The following ANKRD28 variants were observed in gnomAD, a reference collection of about 807,000 sequenced individuals.
ANKRD28 encodes the protein serine/threonine-protein phosphatase 6 regulatory ankyrin repeat subunit A.
ANKRD28 carries 44 observed loss-of-function variants against 126.5 expected under a neutral mutation model. The observed-to-expected ratio is 0.35, with a 90% CI of 0.27 to 0.45. ANKRD28 has a LOEUF of 0.45. Ranked by LOEUF, ANKRD28 falls within the 20% of genes least tolerant of loss-of-function variation. The probability of loss-of-function intolerance (pLI) is 1.00; values close to 1 mark genes in which losing one functional copy is unlikely to be tolerated. For synonymous variants in ANKRD28, 442 were observed against 468.5 expected (o/e 0.94, Z 0.73); for missense variants, 1,110 against 1,316.6 (o/e 0.84, Z 2.43).
intron 13 of ANKRD28, among the ~76,000 whole-genome samples, chr3:15,708,645 A>G (rs1384847870): frequency 6.6e-6 from 1 of 152,168 alleles, no homozygotes; most frequent in Admixed American, 6.5e-5. Flanking sequence ...ATAAAAGCAA[A>G]TTAGCTATAA....
At chr3:15,746,208 CTT>C (rs2057466586) in intron 4 of ANKRD28, among the ~76,000 whole-genome samples, 1 of 152,126 alleles carries the variant, frequency 6.6e-6, no homozygotes, top group African/African-American at 2.4e-5. Flanking sequence ...ATTTCATTCT[CTT>C]GTCTGATGTC....
chr3:15,706,748 C>T (rs946503764), intron 14 of ANKRD28, among the ~76,000 whole-genome samples: 10 of 152,132 alleles, frequency 6.6e-5, no homozygotes, highest in Admixed American at 6.5e-4. Context: ...CTCTCCAGCA[C>T]CTGTTGTTTC....
At chr3:15,751,842 A>G (rs1039217038) in intron 3 of ANKRD28, 22 bp from the exon 4 acceptor site, 9 of 1,464,934 alleles carry the variant, frequency 6.1e-6, no homozygotes, top group Non-Finnish European at 8.4e-6. Context: ...AGAAAAAAAT[A>G]AATTGAAATA....
rs575167693 is a variant in ANKRD28, at chr3:15,735,958, T to C, written c.553-461A>G. ...TTACCTCACAATGTACCAAAAATAATAATTGCAACTAACCATATTTACAAT... is the reference window on the plus strand; with the variant it reads ...TTACCTCACAATGTACCAAAAATAACAATTGCAACTAACCATATTTACAAT... On this transcript the variant is annotated intron_variant, in intron 5 of 27. Transcript: ENST00000683139. Among the ~76,000 whole-genome samples the C allele has an allele frequency of 8.5e-5, 13 of 152,310 alleles. 1 individual carries two copies. Among genetic ancestry groups the C allele is most frequent in the African/African-American group, 3.1e-4 (13 of 41,570 alleles).
intron 1 of ANKRD28, among the ~76,000 whole-genome samples, chr3:15,811,604 G>A (rs747695896): frequency 9.9e-5 from 15 of 151,914 alleles, no homozygotes; most frequent in Non-Finnish European, 1.9e-4. Context: ...GCAGGTGCAC[G>A]CCACCATGCC....
At chr3:15,709,207 A>G (rs942495698) in intron 13 of ANKRD28, among the ~76,000 whole-genome samples, 9 of 152,208 alleles carry the variant, frequency 5.9e-5, no homozygotes, top group Non-Finnish European at 1.0e-4. Flanking sequence ...GAGGAGAAAG[A>G]AAAATTACAC....
At chr3:15,790,179 C>T (rs1299847031) in intron 2 of ANKRD28, among the ~76,000 whole-genome samples, 1 of 151,908 alleles carries the variant, frequency 6.6e-6, no homozygotes, top group African/African-American at 2.4e-5. Context: ...ATGAAAAGGC[C>T]AGGACATAAT....
chr3:15,769,443 GCTT>G (rs1457125797), intron 2 of ANKRD28, among the ~76,000 whole-genome samples: 1 of 151,958 alleles, frequency 6.6e-6, no homozygotes, highest in African/African-American at 2.4e-5. Flanking sequence ...CCATTTTAAG[GCTT>G]TTTTAAAAAA....
intron 1 of ANKRD28, among the ~76,000 whole-genome samples, chr3:15,834,260 T>C (rs1559584236): frequency 6.6e-6 from 1 of 152,176 alleles, no homozygotes; most frequent in Non-Finnish European, 1.5e-5. Context: ...ATGGGTCCAG[T>C]TTCATTCTTC....
chr3:15,751,838 A>AAATAAATTG lies in ANKRD28; in HGVS notation c.281-27_281-19dup. 4 of 1,461,056 alleles carry AAATAAATTG rather than the reference A, an allele frequency of 2.7e-6. No homozygotes were observed. Among genetic ancestry groups the AAATAAATTG allele is most frequent in the Non-Finnish European group, 3.7e-6 (4 of 1,069,934 alleles). 90.5% of individuals were successfully genotyped at this position (1,461,056 alleles called of 1,614,324 possible). On this transcript the variant is annotated intron_variant, in intron 3 of 27. Transcript: ENST00000683139. ...TCTAGCTCCTGCAACAAGAAGAAAA[A>AAATAAATTG]AATAAATTGAAATATTGTACATAAA...
chr3:15,683,224 C>T (rs529755993), intron 21 of ANKRD28, among the ~76,000 whole-genome samples: 5 of 152,156 alleles, frequency 3.3e-5, no homozygotes, highest in Non-Finnish European at 5.9e-5. Flanking sequence ...TAAGTCTTTG[C>T]TTCTGAACAG....
At chr3:15,764,510 A>G (rs2058646430) in intron 3 of ANKRD28, among the ~76,000 whole-genome samples, 1 of 149,938 alleles carries the variant, frequency 6.7e-6, no homozygotes, top group Non-Finnish European at 1.5e-5. Flanking sequence ...GAGCATTTGA[A>G]AAGTTTCTCC....
chr3:15,676,127 C>A, intron 26 of ANKRD28, 138 bp from the exon 27 acceptor site: 1 of 562,378 alleles, frequency 1.8e-6, no homozygotes, highest in Non-Finnish European at 3.1e-6. Flanking sequence ...GTCCTAATAA[C>A]AAAGATGGGG....
chr3:15,708,205 G>A (rs772689843), intron 13 of ANKRD28, 141 bp from the exon 14 acceptor site: 5 of 942,202 alleles, frequency 5.3e-6, no homozygotes, highest in Non-Finnish European at 7.7e-6. Context: ...AAGTCTTGCG[G>A]AGGACTGGAC....
At position 15,749,095 on chromosome 3, in the gene ANKRD28, GTTTTTGTTTT is replaced by G. The variant is rs1419310906; in HGVS notation, c.351+2645_351+2654del. 1.0e-4 allele frequency among the ~76,000 whole-genome samples: 11 copies of G among 106,998 alleles called. 1 individual carries two copies. The highest frequency in any genetic ancestry group is 3.4e-4 in the African/African-American group (8 of 23,708). The allele number at this position is 106,998 out of a possible 152,430, so 70.2% of individuals were successfully genotyped here. On this transcript the variant is annotated intron_variant, in intron 4 of 27. Transcript: ENST00000683139. ...ATTTTCCTTTCATATTCTATATTAT[GTTTTTGTTTT>G]TTTTTTTTTTTTTTTTGAGACGGAG...
intron 11 of ANKRD28, among the ~76,000 whole-genome samples, chr3:15,711,865 AT>A (rs35787947): frequency 4.7e-5 from 7 of 147,642 alleles, no homozygotes; most frequent in African/African-American, 1.3e-4. Context: ...TTTTTTTTGT[AT>A]TTTTTTTTTA....
intron 21 of ANKRD28, among the ~76,000 whole-genome samples, chr3:15,679,801 T>A (rs139381414): frequency 7.9e-4 from 120 of 152,222 alleles, no homozygotes; most frequent in African/African-American, 2.8e-3. Context: ...TATCCGTGGG[T>A]TCTGCATCCA....
chr3:15,713,737 A>T, intron 9 of ANKRD28, 96 bp from the exon 10 acceptor site: 1 of 645,926 alleles, frequency 1.5e-6, no homozygotes, highest in East Asian at 3.0e-5. Context: ...TCACATACAA[A>T]CTAATAGATA....
chr3:15,813,023 A>C lies in ANKRD28; in HGVS notation c.28-17717T>G, dbSNP rs1228395321. ...AGATGAATAAAATCTGCAGTTTCCA[A>C]CATAACAGCTTTTTAATCACCTCCT... On this transcript the variant is annotated intron_variant, in intron 1 of 27. Coordinates refer to the ANKRD28 transcript ENST00000399451. 2.0e-5 allele frequency among the ~76,000 whole-genome samples: 3 copies of C among 151,928 alleles called. No homozygotes were observed. In the East Asian group the frequency reaches 5.8e-4, roughly 29 times the overall value.
Sources: gnomAD v4.1 joint callset for allele counts (sites outside exome capture counted in the v4.1 genomes callset) on GRCh38, gnomAD v4.1.1 for gene constraint, MANE v1.5 for transcripts, NCBI Gene and HGNC (gene_info 2026-07-23, HGNC 2026-07-21) for gene names.